WASF3: variants seen among roughly 807,000 people sequenced by gnomAD.
WASF3 encodes WASP family member 3, also known as actin-binding protein WASF3.
In WASF3, 11 loss-of-function variants were observed where a neutral mutation model predicts 46.6. That is an observed-to-expected ratio of 0.24 (90% CI 0.15 to 0.39). WASF3 has a LOEUF of 0.39. Ranked by LOEUF, WASF3 falls within the 10% of genes least tolerant of loss-of-function variation. The pLI is 1.00. For missense variants in WASF3, 576 were observed against 669.8 expected (o/e 0.86, Z 1.55); for synonymous variants, 242 against 259.7 (o/e 0.93, Z 0.65).
chr13:26,651,615 C>T (rs1180031834), intron 3 of WASF3, among the ~76,000 whole-genome samples: 2 of 152,174 alleles, frequency 1.3e-5, no homozygotes, highest in Non-Finnish European at 2.9e-5. Context: ...ACCTGTACTA[C>T]AAAAAATTCT....
At chr13:26,562,435 AGAGT>A (rs1300260960) in intron 1 of WASF3, among the ~76,000 whole-genome samples, 38 of 152,198 alleles carry the variant, frequency 2.5e-4, no homozygotes, top group African/African-American at 8.4e-4. Context: ...ATAGTGAGTG[AGAGT>A]GAGGGAGTGG....
intron 3 of WASF3, among the ~76,000 whole-genome samples, chr13:26,651,709 G>A (rs1882320716): frequency 6.6e-6 from 1 of 152,134 alleles, no homozygotes; most frequent in South Asian, 2.1e-4. Context: ...AAATAGAAAA[G>A]GTCATCAATA....
chr13:26,601,179 A>C (rs2137202172), intron 1 of WASF3, among the ~76,000 whole-genome samples: 1 of 152,278 alleles, frequency 6.6e-6, no homozygotes, highest in Admixed American at 6.5e-5. Flanking sequence ...ATCTCTGTGT[A>C]TTTGGTATGT....
Position 26,614,865 on chromosome 13 carries a change from C to T in WASF3, c.-11+1807C>T, listed in dbSNP as rs929850415. 6.6e-5 allele frequency among the ~76,000 whole-genome samples: 10 copies of T among 151,848 alleles called. 1 individual carries two copies. The highest frequency in any genetic ancestry group is 2.0e-4 in the Admixed American group (3 of 15,242). ...TGGAGGTCTCAGCTCTTGAAGAACT[C>T]GGGGCTTCTGCTTGCCACGCCATCT... On this transcript the variant is annotated intron_variant, in intron 2 of 9. Coordinates refer to ENST00000335327, the MANE Select transcript of WASF3 (RefSeq NM_006646.6).
At chr13:26,549,985 T>G in the WASF3 span, among the ~76,000 whole-genome samples, 1 of 152,244 alleles carries the variant, frequency 6.6e-6, no homozygotes, top group African/African-American at 2.4e-5. Flanking sequence ...CAGGTAATTT[T>G]GCAGAGTATG....
At position 26,688,379 on chromosome 13, in the gene WASF3, C is replaced by T. The variant is rs1179351342; in HGVS notation, c.*2534C>T. The T allele has an allele frequency of 6.6e-6, 1 of 152,088 alleles. No individual in the cohort carries two copies. Among genetic ancestry groups the T allele is most frequent in the East Asian group, 1.9e-4 (1 of 5,200 alleles). The allele number at this position is 152,088 out of a possible 1,614,324, so 9.4% of individuals were successfully genotyped here. On this transcript the variant is annotated 3_prime_UTR_variant, in exon 10 of 10. Coordinates refer to ENST00000335327, the MANE Select transcript of WASF3 (RefSeq NM_006646.6). ...AAATTGTAAGGTAATTTTAAATTGTCCCTCGTATTATTTCTCCACGTCTGT... is the reference window on the plus strand; with the variant it reads ...AAATTGTAAGGTAATTTTAAATTGTTCCTCGTATTATTTCTCCACGTCTGT...
intron 2 of WASF3, among the ~76,000 whole-genome samples, chr13:26,628,005 AG>A (rs2137254980): frequency 6.6e-6 from 1 of 152,216 alleles, no homozygotes; most frequent in East Asian, 1.9e-4. Flanking sequence ...AGAGAGTTGG[AG>A]GGAAGATGCT....
At chr13:26,681,492 A>C (rs1192743247) in intron 8 of WASF3, among the ~76,000 whole-genome samples, 172 bp downstream of exon 8, 2 of 152,252 alleles carry the variant, frequency 1.3e-5, no homozygotes, top group Non-Finnish European at 2.9e-5. Context: ...CAGGTGCAGC[A>C]TAAGCTCAGA....
chr13:26,667,683 G>A lies in WASF3; in HGVS notation c.422+13G>A, dbSNP rs1388472368. On this transcript the variant is annotated intron_variant, in intron 5 of 9. Coordinates refer to ENST00000335327, the MANE Select transcript of WASF3 (RefSeq NM_006646.6). ...TGACACCATACAGGTATAGCTTCAT[G>A]AGTCCCAGAGCCTCTCCTTGAGATG... 1.2e-6 allele frequency: 2 copies of A among 1,611,684 alleles called. No homozygotes were observed. Among genetic ancestry groups the A allele is most frequent in the African/African-American group, 1.3e-5 (1 of 74,824 alleles).
At chr13:26,594,542 T>C (rs1880402478) in intron 1 of WASF3, among the ~76,000 whole-genome samples, 2 of 152,156 alleles carry the variant, frequency 1.3e-5, no homozygotes, top group African/African-American at 4.8e-5. Context: ...TACTACCGTC[T>C]CCTTTCTGGA....
rs184471116 is a variant in WASF3, at chr13:26,646,132, A to T, written c.133+3729A>T. Reference sequence around the variant, plus strand: ...TATGCAGTTATTACAACCTGCTACAAGACAACACTAGCACATAGTAAATGA... The same window carrying T: ...TATGCAGTTATTACAACCTGCTACATGACAACACTAGCACATAGTAAATGA... On this transcript the variant is annotated intron_variant, in intron 3 of 9. Coordinates refer to ENST00000335327, the MANE Select transcript of WASF3 (RefSeq NM_006646.6). 8.6e-4 allele frequency among the ~76,000 whole-genome samples: 131 copies of T among 152,358 alleles called. 1 individual carries two copies. Among genetic ancestry groups the T allele is most frequent in the African/African-American group, 3.1e-3 (127 of 41,582 alleles).
chr13:26,615,166 A>G (rs1881092648), intron 2 of WASF3, among the ~76,000 whole-genome samples: 1 of 151,870 alleles, frequency 6.6e-6, no homozygotes, highest in South Asian at 2.1e-4. Context: ...CATGATATTT[A>G]GTCCTGTGTG....
chr13:26,669,080 T>A (rs1882852613), intron 5 of WASF3, among the ~76,000 whole-genome samples: 1 of 152,100 alleles, frequency 6.6e-6, no homozygotes, highest in South Asian at 2.1e-4. Context: ...ATTGATTAGA[T>A]CATGATAAAA....
At chr13:26,621,266 T>A (rs1881297299) in intron 2 of WASF3, among the ~76,000 whole-genome samples, 1 of 152,224 alleles carries the variant, frequency 6.6e-6, no homozygotes, top group Admixed American at 6.5e-5. Flanking sequence ...GGGTTTGTTT[T>A]ATTTTCGTTT....
intron 1 of WASF3, among the ~76,000 whole-genome samples, chr13:26,592,663 A>G (rs1880340246): frequency 6.6e-6 from 1 of 152,126 alleles, no homozygotes; most frequent in Admixed American, 6.5e-5. Flanking sequence ...CTACCTCCAA[A>G]TGCATCACAT....
rs554187452 is a variant in WASF3, at chr13:26,597,414, C to A, written c.-108-15547C>A. On this transcript the variant is annotated intron_variant, in intron 1 of 9. Transcript: ENST00000335327. ...CCTCCGAAAGTGCTGGGATTACAGG[C>A]GTGAGCCACCACGCCTGGCCCCTTG... Among the ~76,000 whole-genome samples the A allele has an allele frequency of 3.7e-3, 556 of 152,222 alleles. 5 individuals carry two copies. Among genetic ancestry groups the A allele is most frequent in the African/African-American group, 0.013 (520 of 41,538 alleles).
intron 9 of WASF3, among the ~76,000 whole-genome samples, chr13:26,684,571 TA>T (rs1343889917): frequency 6.6e-6 from 1 of 152,226 alleles, no homozygotes; most frequent in Non-Finnish European, 1.5e-5. Flanking sequence ...ATTTGAATAA[TA>T]TTTGTAGGAT....
At chr13:26,570,602 C>CTAGAGTATAT (rs1879606483) in intron 1 of WASF3, among the ~76,000 whole-genome samples, 1 of 151,906 alleles carries the variant, frequency 6.6e-6, no homozygotes, top group South Asian at 2.1e-4. Context: ...ATTAATTACT[C>CTAGAGTATAT]TTTATCAGAT....
At chr13:26,565,023 T>C (rs138463838) in intron 1 of WASF3, among the ~76,000 whole-genome samples, 1 of 147,926 alleles carries the variant, frequency 6.8e-6, no homozygotes, top group Non-Finnish European at 1.5e-5. Flanking sequence ...TCTATCCTAA[T>C]GTTAGAATTA....
Sources: gnomAD v4.1 joint callset for allele counts (sites outside exome capture counted in the v4.1 genomes callset) on GRCh38, gnomAD v4.1.1 for gene constraint, MANE v1.5 for transcripts, NCBI Gene and HGNC (gene_info 2026-07-23, HGNC 2026-07-21) for gene names.